The following SMOC2 variants were observed in gnomAD, a reference collection of about 807,000 sequenced individuals.
SMOC2 encodes the protein SPARC related modular calcium binding 2, also known as SPARC-related modular calcium-binding protein 2.
Under a neutral mutation model 61.4 loss-of-function variants are expected in SMOC2, and 39 were observed. The observed-to-expected ratio is 0.64, with a 90% CI of 0.49 to 0.83. SMOC2 has a LOEUF of 0.83. SMOC2 is among the 40% of genes least tolerant of loss of function. The probability of loss-of-function intolerance (pLI) is 0.00; values close to 1 mark genes in which losing one functional copy is unlikely to be tolerated. For missense variants in SMOC2, 556 were observed against 592.9 expected, an observed-to-expected ratio of 0.94 and a Z score of 0.65; for synonymous variants, 247 against 239.9, an observed-to-expected ratio of 1.03 and a Z score of -0.27.
intron 1 of SMOC2, among the ~76,000 whole-genome samples, chr6:168,479,563 T>G (rs1782163237): frequency 6.6e-6 from 1 of 152,144 alleles, no homozygotes; most frequent in Non-Finnish European, 1.5e-5. Flanking sequence ...GACAGTAAAG[T>G]GTGGTTAATT....
At chr6:168,445,159 G>A (rs942069684) in intron 1 of SMOC2, among the ~76,000 whole-genome samples, 1 of 152,222 alleles carries the variant, frequency 6.6e-6, no homozygotes, top group Non-Finnish European at 1.5e-5. Context: ...TATTTCTCAA[G>A]TCATCCTGCC....
At chr6:168,602,942 T>C (rs1393592907) in intron 8 of SMOC2, among the ~76,000 whole-genome samples, 5 of 152,188 alleles carry the variant, frequency 3.3e-5, no homozygotes, top group African/African-American at 9.7e-5. Context: ...AGGGTTTGGC[T>C]GTGTCCCCAC....
At chr6:168,550,948 G>A (rs1460099695) in intron 7 of SMOC2, among the ~76,000 whole-genome samples, 1 of 152,186 alleles carries the variant, frequency 6.6e-6, no homozygotes, top group African/African-American at 2.4e-5. Context: ...CAGGTTTACT[G>A]GTTGATATGG....
At chr6:168,503,843 C>T (rs555576713) in intron 1 of SMOC2, among the ~76,000 whole-genome samples, 2 of 152,210 alleles carry the variant, frequency 1.3e-5, no homozygotes, top group South Asian at 2.1e-4. Flanking sequence ...ATCAAAAAAA[C>T]GCACCACAAA....
At chr6:168,466,173 G>T (rs992027689) in intron 1 of SMOC2, among the ~76,000 whole-genome samples, 12 of 149,972 alleles carry the variant, frequency 8.0e-5, no homozygotes, top group African/African-American at 3.0e-4. Flanking sequence ...GAAGCAAGGT[G>T]CTCTGAGAGC....
intron 2 of SMOC2, among the ~76,000 whole-genome samples, chr6:168,523,546 C>A (rs1783382514): frequency 1.0e-5 from 1 of 99,604 alleles, no homozygotes; most frequent in Non-Finnish European, 2.4e-5. Flanking sequence ...TGCCACCATG[C>A]CTGGCTAATT....
At chr6:168,579,401 AT>A (rs1784876292) in intron 7 of SMOC2, among the ~76,000 whole-genome samples, 1 of 152,188 alleles carries the variant, frequency 6.6e-6, no homozygotes, top group African/African-American at 2.4e-5. Context: ...CATCAGCTGT[AT>A]TAGGTGAAAC....
intron 9 of SMOC2, among the ~76,000 whole-genome samples, chr6:168,618,628 G>A (rs536230430): frequency 6.6e-6 from 1 of 152,212 alleles, no homozygotes; most frequent in African/African-American, 2.4e-5. Flanking sequence ...ATTAAGAGGC[G>A]AGTCAAGGAG....
intron 9 of SMOC2, among the ~76,000 whole-genome samples, chr6:168,619,713 G>A (rs1158233145): frequency 1.3e-5 from 2 of 152,186 alleles, no homozygotes; most frequent in African/African-American, 2.4e-5. Flanking sequence ...GGAAACCACC[G>A]TGGTACTCCT....
intron 1 of SMOC2, among the ~76,000 whole-genome samples, chr6:168,472,505 A>G (rs1323304191): frequency 6.6e-6 from 1 of 152,082 alleles, no homozygotes; most frequent in Non-Finnish European, 1.5e-5. Flanking sequence ...AAGTTTTTTT[A>G]AAAGACATTT....
intron 9 of SMOC2, among the ~76,000 whole-genome samples, chr6:168,636,798 C>A (rs889860223): frequency 6.6e-6 from 1 of 152,036 alleles, no homozygotes; most frequent in African/African-American, 2.4e-5. Context: ...TTGCAGCTGC[C>A]CCTGAGGGCA....
intron 1 of SMOC2, among the ~76,000 whole-genome samples, chr6:168,488,632 C>T (rs543186823): frequency 1.3e-5 from 2 of 152,318 alleles, no homozygotes; most frequent in Admixed American, 6.5e-5. Flanking sequence ...TCAATCGAAT[C>T]GTCTGGGTCC....
chr6:168,543,551 T>C (rs181123449), intron 4 of SMOC2, 74 bp from the exon 5 acceptor site: 1 of 1,332,982 alleles, frequency 7.5e-7, no homozygotes, highest in African/African-American at 1.5e-5. Context: ...CAAAAATATG[T>C]GCATAACTTA....
At chr6:168,607,587 T>TGG (rs1785732695) in intron 8 of SMOC2, among the ~76,000 whole-genome samples, 1 of 141,948 alleles carries the variant, frequency 7.0e-6, no homozygotes, top group Non-Finnish European at 1.5e-5. Flanking sequence ...AGAGAGTCGT[T>TGG]TTTTTTTTTT....
intron 9 of SMOC2, among the ~76,000 whole-genome samples, chr6:168,616,070 G>A (rs1026854346): frequency 2.0e-5 from 3 of 152,134 alleles, no homozygotes; most frequent in South Asian, 2.1e-4. Context: ...GACAGGAGCC[G>A]GCCAGGACCT....
At chr6:168,554,238 A>G (rs1181374419) in intron 7 of SMOC2, among the ~76,000 whole-genome samples, 3 of 152,258 alleles carry the variant, frequency 2.0e-5, no homozygotes, top group Non-Finnish European at 2.9e-5. Context: ...ACAAGACAGG[A>G]GGACCAGATA....
intron 11 of SMOC2, among the ~76,000 whole-genome samples, chr6:168,655,703 G>T (rs933945875): frequency 3.3e-5 from 5 of 151,180 alleles, no homozygotes; most frequent in Non-Finnish European, 5.9e-5. Context: ...TAGATCCCTT[G>T]CACATGTATC....
At chr6:168,653,382 A>T (rs976046316) in intron 11 of SMOC2, among the ~76,000 whole-genome samples, 154 bp downstream of exon 11, 1 of 152,250 alleles carries the variant, frequency 6.6e-6, no homozygotes, top group Admixed American at 6.5e-5. Flanking sequence ...GTTTGCAGAA[A>T]TAATAATGAT....
At chr6:168,650,219 C>A (rs1488862771) in intron 9 of SMOC2, among the ~76,000 whole-genome samples, 1 of 152,184 alleles carries the variant, frequency 6.6e-6, no homozygotes, top group Non-Finnish European at 1.5e-5. Flanking sequence ...CTGCTGTTTG[C>A]CCTACTGCCT....
Sources: gnomAD v4.1 joint callset for allele counts (sites outside exome capture counted in the v4.1 genomes callset) on GRCh38, gnomAD v4.1.1 for gene constraint, MANE v1.5 for transcripts, NCBI Gene and HGNC (gene_info 2026-07-23, HGNC 2026-07-21) for gene names.